The following MAGI2 variants were observed in gnomAD, a reference collection of about 807,000 sequenced individuals.
MAGI2 encodes the protein membrane associated guanylate kinase, WW and PDZ domain containing 2.
MAGI2 carries 35 observed loss-of-function variants against 133.3 expected under a neutral mutation model. That is an observed-to-expected ratio of 0.26 (90% CI 0.20 to 0.35). MAGI2 has a LOEUF of 0.35. Ranked by LOEUF, MAGI2 falls within the 10% of genes least tolerant of loss-of-function variation. The pLI is 1.00. For missense variants in MAGI2, 1,636 were observed against 1,863.4 expected, an observed-to-expected ratio of 0.88 and a Z score of 2.25; for synonymous variants, 729 against 710.6, an observed-to-expected ratio of 1.03 and a Z score of -0.41.
At chr7:78,739,900 T>TAC (rs1822231916) in intron 2 of MAGI2, among the ~76,000 whole-genome samples, 1 of 152,154 alleles carries the variant, frequency 6.6e-6, no homozygotes, top group African/African-American at 2.4e-5. Context: ...GGCTCACGCC[T>TAC]GTAATCCCAG....
chr7:78,584,971 C>T (rs146701251), intron 3 of MAGI2, among the ~76,000 whole-genome samples: 1 of 152,160 alleles, frequency 6.6e-6, no homozygotes, highest in East Asian at 1.9e-4. Flanking sequence ...CCAGGTGAGG[C>T]CTAATCTGTG....
In MAGI2 at chr7:79,057,406, A is replaced by G. The variant is rs370376370; in HGVS notation, c.302-50200T>C. Among the ~76,000 whole-genome samples, 314 of 152,338 alleles carry G rather than the reference A, an allele frequency of 2.1e-3. 2 individuals carry two copies. Among genetic ancestry groups the G allele is most frequent in the Non-Finnish European group, 3.4e-3 (232 of 68,014 alleles). On this transcript the variant is annotated intron_variant, in intron 1 of 21. Transcript: ENST00000354212. ...TATTGCTATTTTAAAGGTTAAAAAA[A>G]TCTAGATTAATGTACAAATTGAGCA...
intron 1 of MAGI2, among the ~76,000 whole-genome samples, chr7:79,274,070 G>T (rs1223476306): frequency 1.3e-5 from 2 of 152,036 alleles, no homozygotes; most frequent in African/African-American, 4.8e-5. Context: ...ACCAAAGTTA[G>T]CCAACAAAAA....
intron 3 of MAGI2, among the ~76,000 whole-genome samples, chr7:78,584,816 T>G (rs189877846): frequency 2.6e-5 from 4 of 152,326 alleles, no homozygotes; most frequent in Admixed American, 1.3e-4. Flanking sequence ...ACTAGCTGTT[T>G]TATTGTTTAA....
chr7:78,372,116 GTGTT>G (rs1399625221), intron 6 of MAGI2, among the ~76,000 whole-genome samples: 1 of 152,080 alleles, frequency 6.6e-6, no homozygotes, highest in African/African-American at 2.4e-5. Context: ...TGGCACATGT[GTGTT>G]TGTGTGTATT....
At chr7:79,281,448 C>T (rs904458141) in intron 1 of MAGI2, among the ~76,000 whole-genome samples, 3 of 151,894 alleles carry the variant, frequency 2.0e-5, no homozygotes, top group Middle Eastern at 3.4e-3. Context: ...ATCTGAAAAG[C>T]GATCTTTATG....
At chr7:79,083,650 G>A (rs1816246721) in intron 1 of MAGI2, among the ~76,000 whole-genome samples, 1 of 151,506 alleles carries the variant, frequency 6.6e-6, no homozygotes, top group Admixed American at 6.6e-5. Context: ...TTATGTATTT[G>A]TTGGGTTATT....
intron 21 of MAGI2, among the ~76,000 whole-genome samples, chr7:78,069,095 G>A (rs1814167494): frequency 6.6e-6 from 1 of 152,142 alleles, no homozygotes; most frequent in African/African-American, 2.4e-5. Flanking sequence ...GGAAGACAAT[G>A]GGAGGAAAAT....
chr7:78,179,455 T>G (rs1482533556), intron 13 of MAGI2, among the ~76,000 whole-genome samples: 2 of 152,228 alleles, frequency 1.3e-5, no homozygotes, highest in Non-Finnish European at 2.9e-5. Context: ...CTTGCCTTGG[T>G]GCCCAACAAC....
chr7:78,719,305 C>T (rs1411185710), intron 2 of MAGI2, among the ~76,000 whole-genome samples: 1 of 151,988 alleles, frequency 6.6e-6, no homozygotes, highest in Non-Finnish European at 1.5e-5. Flanking sequence ...AAAATAATAC[C>T]CATTTTTTGT....
chr7:78,270,860 T>C (rs1794496051), intron 9 of MAGI2, among the ~76,000 whole-genome samples: 1 of 152,218 alleles, frequency 6.6e-6, no homozygotes, highest in Non-Finnish European at 1.5e-5. Flanking sequence ...ACACGTCTTA[T>C]TTATTCTAAA....
chr7:78,177,971 A>C, intron 14 of MAGI2, 40 bp downstream of exon 14: 1 of 1,411,474 alleles, frequency 7.1e-7, no homozygotes, highest in Non-Finnish European at 1.0e-6. Context: ...TACTCATACA[A>C]TACAGCCCCA....
At chr7:78,820,291 G>A (rs1789978123) in intron 2 of MAGI2, among the ~76,000 whole-genome samples, 1 of 151,838 alleles carries the variant, frequency 6.6e-6, no homozygotes, top group Non-Finnish European at 1.5e-5. Flanking sequence ...AATTAGGGGA[G>A]ATACATAAAT....
rs765605514 is a variant in MAGI2, at chr7:78,256,349, A to G, written c.1641T>C (p.Tyr547=). The part of the protein sequence containing the change: ...MVNGRHNYET[Y]LEYISRTSQS... ...GTGAGGTCCGAGAAATGTACTCCAA[A>G]TATGTTTCATAGTTGTGTCTTCCAT... Residue 547 remains tyrosine (Y), a synonymous_variant, in exon 10 of 22, where the codon TAT becomes TAC. Coordinates refer to ENST00000354212, the MANE Select transcript of MAGI2 (RefSeq NM_012301.4). 3.5e-5 allele frequency: 56 copies of G among 1,613,938 alleles called. No individual in the cohort carries two copies. Among genetic ancestry groups the G allele is most frequent in the Admixed American group, 6.7e-5 (4 of 59,990 alleles).
intron 1 of MAGI2, among the ~76,000 whole-genome samples, chr7:79,054,787 G>T (rs1248711923): frequency 6.6e-6 from 1 of 152,004 alleles, no homozygotes; most frequent in African/African-American, 2.4e-5. Context: ...TTGTCTTTGG[G>T]TCCCAATTTG....
chr7:78,710,567 AG>A (rs35449171), intron 2 of MAGI2, among the ~76,000 whole-genome samples: 1 of 152,178 alleles, frequency 6.6e-6, no homozygotes, highest in East Asian at 1.9e-4. Context: ...CACATTCCTC[AG>A]GGGGCTATTG....
chr7:79,212,404 T>A (rs1829575502), intron 1 of MAGI2, among the ~76,000 whole-genome samples: 1 of 152,134 alleles, frequency 6.6e-6, no homozygotes, highest in East Asian at 1.9e-4. Context: ...CATTTTAAAG[T>A]TTAAAAGATA....
intron 20 of MAGI2, among the ~76,000 whole-genome samples, chr7:78,084,492 G>A (rs923983337): frequency 1.3e-5 from 2 of 152,116 alleles, no homozygotes; most frequent in Non-Finnish European, 2.9e-5. Flanking sequence ...TGTAAGTTAA[G>A]CTTTAGGGCA....
chr7:79,214,407 CTATATATATA>C (rs1196193501), intron 1 of MAGI2, among the ~76,000 whole-genome samples: 198 of 17,714 alleles, frequency 0.011, 1 homozygote, highest in African/African-American at 0.034. Context: ...CTCTCTCTCT[CTATATATATA>C]TATATATATA....
Sources: allele counts gnomAD v4.1 joint callset (sites outside exome capture counted in the v4.1 genomes callset), GRCh38; gene constraint gnomAD v4.1.1; transcripts MANE v1.5; gene names NCBI Gene and HGNC (gene_info 2026-07-23, HGNC 2026-07-21).